ZC3H4: variants seen among roughly 807,000 people sequenced by gnomAD.
ZC3H4 encodes the protein zinc finger CCCH-type containing 4.
A neutral mutation model predicts 108.3 loss-of-function variants in ZC3H4; 13 were observed. That is an observed-to-expected ratio of 0.12 (90% CI 0.08 to 0.19). ZC3H4 has a LOEUF of 0.19. Ranked by LOEUF, ZC3H4 falls within the 10% of genes least tolerant of loss-of-function variation. ZC3H4 has a pLI of 1.00. For synonymous variants in ZC3H4, 917 were observed against 749.6 expected, an observed-to-expected ratio of 1.22 and a Z score of -3.65; for missense variants, 1,734 against 1,838.8, an observed-to-expected ratio of 0.94 and a Z score of 1.04.
intron 11 of ZC3H4, among the ~76,000 whole-genome samples, chr19:47,079,294 G>A (rs997179154): frequency 2.0e-5 from 3 of 151,612 alleles, no homozygotes; most frequent in East Asian, 2.0e-4. Flanking sequence ...ATCCCACAGT[G>A]GGGGGGTTAC....
chr19:47,096,742 A>G, intron 2 of ZC3H4: 1 of 935,368 alleles, frequency 1.1e-6, no homozygotes, highest in Non-Finnish European at 1.3e-6. Context: ...TGAGAGGGAC[A>G]TGATCACCAC....
chr19:47,075,724 ATT>A (rs2057407434), intron 11 of ZC3H4, among the ~76,000 whole-genome samples: 2 of 152,120 alleles, frequency 1.3e-5, no homozygotes, highest in Non-Finnish European at 2.9e-5. Context: ...AGGCACAGAG[ATT>A]TATTGAGTGA....
At chr19:47,105,037 G>A (rs116786969) in intron 2 of ZC3H4, among the ~76,000 whole-genome samples, 1,680 of 152,268 alleles carry the variant, frequency 0.011, 35 homozygotes, top group African/African-American at 0.038. Context: ...TTCACTGAAA[G>A]GAGTGGAACG....
chr19:47,093,214 T>TGA (rs2057766751), intron 4 of ZC3H4, among the ~76,000 whole-genome samples: 1 of 66,502 alleles, frequency 1.5e-5, no homozygotes, highest in Non-Finnish European at 2.7e-5. Context: ...AGACTCTGCC[T>TGA]CAAAAAAAAA....
chr19:47,068,610 G>C (rs1265620553), intron 14 of ZC3H4, among the ~76,000 whole-genome samples: 1 of 151,954 alleles, frequency 6.6e-6, no homozygotes, highest in Non-Finnish European at 1.5e-5. Flanking sequence ...CTGGCTTCAG[G>C]ATCTAGACAC....
chr19:47,077,987 C>G (rs974514185), intron 11 of ZC3H4, among the ~76,000 whole-genome samples: 1 of 151,970 alleles, frequency 6.6e-6, no homozygotes, highest in Admixed American at 6.6e-5. Flanking sequence ...AAATATTGCT[C>G]TCTACAGAAT....
Position 47,086,449 on chromosome 19 carries a change from CCCTGCCTCG to C in ZC3H4, c.796_804del (p.Arg266_Arg268del), listed in dbSNP as rs747280082. ...TGGTCTCCTCCCATAGAGCCTCTGC[CCCTGCCTCG>C]GCTGCCCCTGCCCATGCCGCGGCCT... On this transcript the variant is annotated inframe_deletion, in exon 6 of 15. Transcript: ENST00000253048. The C allele has an allele frequency of 6.2e-7, 1 of 1,612,882 alleles. No homozygotes were observed. The highest frequency in any genetic ancestry group is 1.7e-5 in the Admixed American group (1 of 59,950).
At chr19:47,092,291 C>T (rs1423618920) in intron 4 of ZC3H4, among the ~76,000 whole-genome samples, 1 of 152,184 alleles carries the variant, frequency 6.6e-6, no homozygotes, top group Non-Finnish European at 1.5e-5. Flanking sequence ...TACAGCTAGA[C>T]ACACAGACAC....
At chr19:47,082,500 G>A (rs1016929259) in intron 9 of ZC3H4, among the ~76,000 whole-genome samples, 2 of 152,136 alleles carry the variant, frequency 1.3e-5, no homozygotes, top group Non-Finnish European at 2.9e-5. Context: ...TTTTTGTAGA[G>A]ACAGGTCTCA....
Position 47,067,772 on chromosome 19 carries a change from G to A in ZC3H4, c.2496C>T (p.Pro832=), listed in dbSNP as rs1267778152. ...KTLRQQTSSR[P]PASVGELSSS... Reference sequence around the variant, plus strand: ...TGCTCAGCTCCCCAACTGAAGCCGGGGGTCGGCTGGACGTCTGCTGCCTCA... The same window carrying A: ...TGCTCAGCTCCCCAACTGAAGCCGGAGGTCGGCTGGACGTCTGCTGCCTCA... Residue 832 remains proline, a synonymous_variant, in exon 15 of 15, where the codon CCC becomes CCT. Coordinates refer to ENST00000253048, the MANE Select transcript of ZC3H4 (RefSeq NM_015168.2). This position sits in a 1 kb window ranked among gnomAD's most constrained non-coding sequence, Gnocchi z 6.4. The A allele has an allele frequency of 5.0e-6, 8 of 1,609,164 alleles. No homozygotes were observed. The highest frequency in any genetic ancestry group is 4.0e-5 in the African/African-American group (3 of 74,842).
At chr19:47,078,157 T>A (rs2057455855) in intron 11 of ZC3H4, among the ~76,000 whole-genome samples, 1 of 152,104 alleles carries the variant, frequency 6.6e-6, no homozygotes, top group Admixed American at 6.6e-5. Context: ...CCCTAAACTA[T>A]CTCTATTTTT....
At chr19:47,107,807 T>A (rs1297054808) in intron 2 of ZC3H4, among the ~76,000 whole-genome samples, 1 of 152,184 alleles carries the variant, frequency 6.6e-6, no homozygotes, top group African/African-American at 2.4e-5. Context: ...CGCACCTCAT[T>A]ACATCACCAG....
chr19:47,076,925 G>A (rs756425957), intron 11 of ZC3H4, among the ~76,000 whole-genome samples: 14 of 152,052 alleles, frequency 9.2e-5, no homozygotes, highest in African/African-American at 2.4e-4. Flanking sequence ...CCTGGGAGGC[G>A]GAAACTACAG....
At chr19:47,109,671 AT>A (rs2058012299) in intron 2 of ZC3H4, among the ~76,000 whole-genome samples, 2 of 152,306 alleles carry the variant, frequency 1.3e-5, no homozygotes, top group African/African-American at 4.8e-5. Context: ...TTGTGAACAT[AT>A]TAAGAGGAAG....
chr19:47,069,037 C>T (rs1446079987), intron 14 of ZC3H4, 55 bp downstream of exon 14: 5 of 1,598,298 alleles, frequency 3.1e-6, no homozygotes, highest in Non-Finnish European at 3.4e-6. Flanking sequence ...ACCACCGCCG[C>T]TCCCCTGCAC....
At chr19:47,092,795 C>T (rs545933572) in intron 4 of ZC3H4, among the ~76,000 whole-genome samples, 204 of 150,634 alleles carry the variant, frequency 1.4e-3, no homozygotes, top group African/African-American at 4.8e-3. Context: ...CCAGCCTAGG[C>T]GACAGAGCAA....
intron 5 of ZC3H4, among the ~76,000 whole-genome samples, chr19:47,089,204 C>CAAA (rs888647856): frequency 9.3e-4 from 25 of 26,828 alleles, no homozygotes; most frequent in Non-Finnish European, 1.2e-3. Context: ...GACTCCGTCT[C>CAAA]AAAAAAAAAA....
chr19:47,101,955 A>G (rs2057909783), intron 2 of ZC3H4, among the ~76,000 whole-genome samples: 1 of 151,792 alleles, frequency 6.6e-6, no homozygotes, highest in South Asian at 2.1e-4. Context: ...AATTGCTTGA[A>G]CCCATGAGGT....
intron 10 of ZC3H4, among the ~76,000 whole-genome samples, 178 bp downstream of exon 10, chr19:47,082,006 A>G (rs1363295442): frequency 6.6e-6 from 1 of 152,176 alleles, no homozygotes; most frequent in Non-Finnish European, 1.5e-5. Context: ...CCCTGGAAGG[A>G]TGGGAAAGAC....
Sources: allele counts gnomAD v4.1 joint callset (sites outside exome capture counted in the v4.1 genomes callset), GRCh38; gene constraint gnomAD v4.1.1; non-coding constraint Gnocchi (gnomAD v3.1); transcripts MANE v1.5; gene names NCBI Gene and HGNC (gene_info 2026-07-23, HGNC 2026-07-21).